FAXC: variants seen among roughly 807,000 people sequenced by gnomAD.
FAXC encodes the protein failed axon connections homolog, metaxin like GST domain containing.
FAXC carries 10 observed loss-of-function variants against 41.9 expected under a neutral mutation model. The observed-to-expected ratio is 0.24, with a 90% CI of 0.15 to 0.41. The LOEUF (loss-of-function observed/expected upper bound fraction) is 0.41. FAXC is among the 10% of genes least tolerant of loss of function. The probability of loss-of-function intolerance (pLI) is 1.00; values close to 1 mark genes in which losing one functional copy is unlikely to be tolerated. For synonymous variants in FAXC, 183 were observed against 183.8 expected (o/e 1.00, Z 0.03); for missense variants, 399 against 510.9 (o/e 0.78, Z 2.11).
At chr6:99,291,537 A>C (rs1433694875) in intron 5 of FAXC, among the ~76,000 whole-genome samples, 167 bp downstream of exon 5, 1 of 152,148 alleles carries the variant, frequency 6.6e-6, no homozygotes, top group Non-Finnish European at 1.5e-5. Context: ...TTCCACCCCA[A>C]AGTATCCTGA....
intron 2 of FAXC, among the ~76,000 whole-genome samples, chr6:99,334,080 T>C (rs1773128352): frequency 6.6e-6 from 1 of 152,168 alleles, no homozygotes; most frequent in Non-Finnish European, 1.5e-5. Flanking sequence ...GTACAACATA[T>C]TCAACTACTG....
chr6:99,319,391 T>C (rs1582662269), intron 4 of FAXC, among the ~76,000 whole-genome samples: 1 of 107,452 alleles, frequency 9.3e-6, no homozygotes, highest in East Asian at 2.8e-4. Context: ...AGAGCGAGAC[T>C]CCGTCTCAAA....
At chr6:99,281,486 C>T in intron 5 of FAXC, 33 bp from the exon 6 acceptor site, 1 of 1,534,906 alleles carries the variant, frequency 6.5e-7, no homozygotes, top group Non-Finnish European at 9.0e-7. Flanking sequence ...AGGATTAGTT[C>T]TCAAAGGCAG....
intron 4 of FAXC, among the ~76,000 whole-genome samples, chr6:99,306,407 G>A (rs1226138043): frequency 6.6e-6 from 1 of 152,182 alleles, no homozygotes; most frequent in Non-Finnish European, 1.5e-5. Flanking sequence ...CATGGAGAGA[G>A]GTCAGAGGGA....
At chr6:99,339,440 T>C (rs539931985) in intron 2 of FAXC, among the ~76,000 whole-genome samples, 9 of 152,308 alleles carry the variant, frequency 5.9e-5, no homozygotes, top group Admixed American at 1.3e-4. Flanking sequence ...GGCAGAGAAG[T>C]TGGCATCCCT....
At chr6:99,325,892 G>GA (rs1207380971) in intron 3 of FAXC, among the ~76,000 whole-genome samples, 2 of 152,144 alleles carry the variant, frequency 1.3e-5, no homozygotes, top group Non-Finnish European at 2.9e-5. Context: ...GTTAGAAGGG[G>GA]AAAAAAATCC....
intron 5 of FAXC, among the ~76,000 whole-genome samples, chr6:99,284,910 A>G (rs1181072694): frequency 2.0e-5 from 3 of 150,084 alleles, no homozygotes; most frequent in African/African-American, 7.3e-5. Context: ...GTGAGCCTCT[A>G]TCTCAAAAAA....
intron 4 of FAXC, among the ~76,000 whole-genome samples, chr6:99,312,947 A>C (rs1772202781): frequency 1.3e-5 from 2 of 152,216 alleles, no homozygotes; most frequent in African/African-American, 4.8e-5. Context: ...AAAATATGCC[A>C]ATTTGATTGA....
chr6:99,328,158 C>G (rs55822687), intron 3 of FAXC, among the ~76,000 whole-genome samples: 14,715 of 152,226 alleles, frequency 0.097, 990 homozygotes, highest in Middle Eastern at 0.15. Flanking sequence ...CCCATGCACC[C>G]CATGCACAAG....
chr6:99,322,096 T>C (rs1413465849), intron 4 of FAXC, among the ~76,000 whole-genome samples: 1 of 152,180 alleles, frequency 6.6e-6, no homozygotes, highest in Non-Finnish European at 1.5e-5. Context: ...CACATCTACA[T>C]CAAGCAGGTC....
At chr6:99,306,489 T>G (rs530434603) in intron 4 of FAXC, among the ~76,000 whole-genome samples, 1 of 152,242 alleles carries the variant, frequency 6.6e-6, no homozygotes, top group African/African-American at 2.4e-5. Context: ...CTGGGACATC[T>G]AAGTGAAGAT....
intron 4 of FAXC, among the ~76,000 whole-genome samples, chr6:99,298,093 T>C (rs1771569029): frequency 6.6e-6 from 1 of 152,200 alleles, no homozygotes; most frequent in Admixed American, 6.5e-5. Flanking sequence ...ATCACCAGGA[T>C]AGTCTGCAGT....
intron 4 of FAXC, among the ~76,000 whole-genome samples, chr6:99,308,960 T>C (rs1213706232): frequency 6.6e-6 from 1 of 152,202 alleles, no homozygotes; most frequent in Non-Finnish European, 1.5e-5. Flanking sequence ...CACCAAACAA[T>C]TGACAATGTA....
rs1771398535 is a variant in FAXC, at chr6:99,294,529, A to G, written c.824-2709T>C. On this transcript the variant is annotated intron_variant, in intron 4 of 5. Transcript: ENST00000389677. ...ATGAGAGGGCTTCAGGACCACTATG[A>G]GAAGGGCTATTCACAGCCTCAGAGA... 2.0e-5 allele frequency among the ~76,000 whole-genome samples: 3 copies of G among 152,216 alleles called. No homozygotes were observed. The South Asian group carries it at 6.2e-4, about 32-fold the overall frequency.
At chr6:99,340,467 A>C (rs1773384245) in intron 2 of FAXC, among the ~76,000 whole-genome samples, 1 of 152,042 alleles carries the variant, frequency 6.6e-6, no homozygotes, top group Admixed American at 6.6e-5. Context: ...GAGTATAATA[A>C]CTATATTCTC....
At chr6:99,316,157 G>GC (rs71021722) in intron 4 of FAXC, among the ~76,000 whole-genome samples, 8,506 of 146,112 alleles carry the variant, frequency 0.058, 480 homozygotes, top group East Asian at 0.35. Flanking sequence ...TAACCCACTC[G>GC]CCCCCCCCCA....
chr6:99,332,404 A>T (rs1481920264), intron 3 of FAXC, among the ~76,000 whole-genome samples: 3 of 152,210 alleles, frequency 2.0e-5, no homozygotes, highest in Admixed American at 1.3e-4. Flanking sequence ...CAATCTTTGG[A>T]AAAAGATAAA....
chr6:99,303,913 A>C (rs2128454100), intron 4 of FAXC, among the ~76,000 whole-genome samples: 1 of 152,366 alleles, frequency 6.6e-6, no homozygotes, highest in South Asian at 2.1e-4. Context: ...TAGATCTTCA[A>C]AGAAATGCTT....
chr6:99,324,697 T>A (rs1228909253), intron 3 of FAXC, among the ~76,000 whole-genome samples: 2 of 152,110 alleles, frequency 1.3e-5, no homozygotes, highest in African/African-American at 4.8e-5. Flanking sequence ...ATGGCAAGAA[T>A]TTTTTTTATG....
Sources: gnomAD v4.1 joint callset for allele counts (sites outside exome capture counted in the v4.1 genomes callset) on GRCh38, gnomAD v4.1.1 for gene constraint, MANE v1.5 for transcripts, NCBI Gene and HGNC (gene_info 2026-07-23, HGNC 2026-07-21) for gene names.